The following CTNNA3 variants were observed in gnomAD, a reference collection of about 807,000 sequenced individuals.
CTNNA3 encodes the protein catenin alpha-3.
CTNNA3 carries 76 observed loss-of-function variants against 95.7 expected under a neutral mutation model. The observed-to-expected ratio is 0.79, with a 90% confidence interval of 0.66 to 0.96. CTNNA3 has a LOEUF of 0.96. CTNNA3 is among the 40% of genes least tolerant of loss of function. The pLI, the probability that CTNNA3 is intolerant of heterozygous loss-of-function variation, is 0.00. For synonymous variants in CTNNA3, 431 were observed against 374.4 expected (o/e 1.15, Z -1.74); for missense variants, 1,191 against 1,089.8 (o/e 1.09, Z -1.31).
chr10:66,298,471 T>C (rs1274511613), intron 12 of CTNNA3, among the ~76,000 whole-genome samples: 2 of 152,158 alleles, frequency 1.3e-5, no homozygotes, highest in East Asian at 1.9e-4. Context: ...CACACATACA[T>C]ATATATACAC....
intron 9 of CTNNA3, among the ~76,000 whole-genome samples, chr10:66,734,622 G>A (rs1411277315): frequency 7.2e-5 from 11 of 152,086 alleles, no homozygotes; most frequent in African/African-American, 2.4e-4. Context: ...CCAGTGCTCT[G>A]GGAGGCCAAG....
chr10:67,456,444 T>C (rs188400668), intron 5 of CTNNA3, among the ~76,000 whole-genome samples: 1 of 152,278 alleles, frequency 6.6e-6, no homozygotes, highest in East Asian at 1.9e-4. Flanking sequence ...ATGTCTTGGG[T>C]TTCCAAGAAA....
intron 5 of CTNNA3, among the ~76,000 whole-genome samples, chr10:67,498,345 T>G (rs912740033): frequency 6.6e-6 from 1 of 152,216 alleles, no homozygotes; most frequent in African/African-American, 2.4e-5. Context: ...AGCCTTGTAG[T>G]ATAGTTTGAA....
intron 11 of CTNNA3, among the ~76,000 whole-genome samples, chr10:66,444,901 C>A (rs2093406970): frequency 6.6e-6 from 1 of 151,924 alleles, no homozygotes; most frequent in Admixed American, 6.6e-5. Context: ...GAGTCAAGAC[C>A]CATCAGTGTG....
intron 15 of CTNNA3, among the ~76,000 whole-genome samples, chr10:66,062,360 C>T (rs1309808559): frequency 6.6e-6 from 1 of 152,060 alleles, no homozygotes; most frequent in Non-Finnish European, 1.5e-5. Flanking sequence ...AAGTGTACTA[C>T]TACTACCACC....
At chr10:66,831,568 C>T (rs1842721356) in intron 7 of CTNNA3, among the ~76,000 whole-genome samples, 1 of 152,152 alleles carries the variant, frequency 6.6e-6, no homozygotes, top group Non-Finnish European at 1.5e-5. Context: ...CAATTGTTTA[C>T]TGGTTTGATT....
intron 3 of CTNNA3, among the ~76,000 whole-genome samples, chr10:67,540,429 T>C (rs961572023): frequency 6.6e-6 from 1 of 151,990 alleles, no homozygotes. Flanking sequence ...ACGTGTCCAT[T>C]ACTTTTAAAT....
intron 5 of CTNNA3, among the ~76,000 whole-genome samples, chr10:67,256,919 TA>T (rs1349299420): frequency 3.3e-5 from 5 of 151,950 alleles, no homozygotes; most frequent in Non-Finnish European, 7.4e-5. Context: ...TTTAGTTAAA[TA>T]AAAAAAATTA....
chr10:67,286,688 A>G (rs1839615882), intron 5 of CTNNA3, among the ~76,000 whole-genome samples: 1 of 152,236 alleles, frequency 6.6e-6, no homozygotes, highest in Non-Finnish European at 1.5e-5. Context: ...TGTTGTACTA[A>G]GTAGCAAAAG....
chr10:66,340,549 T>C (rs2092443074), intron 12 of CTNNA3, among the ~76,000 whole-genome samples: 1 of 151,864 alleles, frequency 6.6e-6, no homozygotes, highest in Admixed American at 6.6e-5. Context: ...AAGGAGCCTA[T>C]ACTATTTACA....
intron 13 of CTNNA3, among the ~76,000 whole-genome samples, chr10:66,153,705 C>CA (rs2133911659): frequency 6.6e-6 from 1 of 151,962 alleles, no homozygotes; most frequent in Non-Finnish European, 1.5e-5. Flanking sequence ...GATTCTCTAC[C>CA]ACAGTGTTAG....
At chr10:66,484,518 A>G (rs1839658438) in intron 11 of CTNNA3, among the ~76,000 whole-genome samples, 1 of 152,094 alleles carries the variant, frequency 6.6e-6, no homozygotes, top group African/African-American at 2.4e-5. Context: ...CCTTCTGAGA[A>G]GCAATATGAT....
At position 66,418,141 on chromosome 10, in the gene CTNNA3, A is replaced by G. The variant is rs115099802; in HGVS notation, c.1532-38789T>C. 6.2e-3 allele frequency among the ~76,000 whole-genome samples: 935 copies of G among 151,610 alleles called. 12 individuals carry two copies. The highest frequency in any genetic ancestry group is 0.02 in the African/African-American group (848 of 41,446). On this transcript the variant is annotated intron_variant, in intron 11 of 17. Transcript: ENST00000433211. ...AAAAAAAAAAACTACGAGCTAGACTAACAAAGAAAAGAGAAGACCCAAATA... is the reference window on the plus strand; with the variant it reads ...AAAAAAAAAAACTACGAGCTAGACTGACAAAGAAAAGAGAAGACCCAAATA...
intron 11 of CTNNA3, among the ~76,000 whole-genome samples, chr10:66,457,283 G>A (rs2093500891): frequency 6.6e-6 from 1 of 151,844 alleles, no homozygotes; most frequent in Admixed American, 6.6e-5. Flanking sequence ...TTCAAAATTG[G>A]AGAAAATATT....
chr10:66,239,593 A>C (rs1324021517), intron 13 of CTNNA3, among the ~76,000 whole-genome samples: 1 of 152,062 alleles, frequency 6.6e-6, no homozygotes, highest in African/African-American at 2.4e-5. Context: ...TATAATTACA[A>C]CACTAGCAGC....
chr10:66,271,101 G>C (rs150481349), intron 13 of CTNNA3, among the ~76,000 whole-genome samples: 110 of 152,144 alleles, frequency 7.2e-4, no homozygotes, highest in African/African-American at 2.6e-3. Flanking sequence ...TGAATCTCTT[G>C]CTGTGACTTT....
intron 15 of CTNNA3, among the ~76,000 whole-genome samples, chr10:65,997,806 C>T (rs1186166208): frequency 3.3e-5 from 5 of 152,086 alleles, no homozygotes; most frequent in African/African-American, 7.2e-5. Context: ...CACCTGAGGT[C>T]GGGAGTTCAA....
At chr10:66,502,944 G>T (rs1215529130) in intron 11 of CTNNA3, among the ~76,000 whole-genome samples, 3 of 147,260 alleles carry the variant, frequency 2.0e-5, no homozygotes, top group Admixed American at 2.0e-4. Flanking sequence ...GAAATTATCA[G>T]ATTTTTTTTA....
At chr10:66,342,109 G>C (rs1044039220) in intron 12 of CTNNA3, among the ~76,000 whole-genome samples, 1 of 151,854 alleles carries the variant, frequency 6.6e-6, no homozygotes, top group Non-Finnish European at 1.5e-5. Flanking sequence ...CTAATTCTTA[G>C]TTGCATGTGT....
Sources: allele counts gnomAD v4.1 joint callset (sites outside exome capture counted in the v4.1 genomes callset), GRCh38; gene constraint gnomAD v4.1.1; transcripts MANE v1.5; gene names NCBI Gene and HGNC (gene_info 2026-07-23, HGNC 2026-07-21).